Variants in PCGF6 observed in about 807,000 individuals in gnomAD.
PCGF6 encodes the protein polycomb group ring finger 6.
PCGF6 carries 24 observed loss-of-function variants against 45.5 expected under a neutral mutation model. That is an observed-to-expected ratio of 0.53 (90% CI 0.38 to 0.74). PCGF6 has a LOEUF of 0.74. Among genes scored for constraint, PCGF6 ranks in the 30% least tolerant of loss-of-function variants. The probability of loss-of-function intolerance (pLI) is 0.00; values close to 1 mark genes in which losing one functional copy is unlikely to be tolerated. For synonymous variants in PCGF6, 152 were observed against 162.1 expected (o/e 0.94, Z 0.47); for missense variants, 356 against 443.2 (o/e 0.80, Z 1.77).
intron 6 of PCGF6, among the ~76,000 whole-genome samples, chr10:103,338,931 G>C (rs1185454379): frequency 1.3e-5 from 2 of 152,068 alleles, no homozygotes; most frequent in Non-Finnish European, 1.5e-5. Flanking sequence ...TCCAGTAACA[G>C]AGAAATTAGT....
chr10:103,330,223 G>A (rs2093235133), intron 7 of PCGF6, among the ~76,000 whole-genome samples: 1 of 151,908 alleles, frequency 6.6e-6, no homozygotes. Flanking sequence ...TTACAGGCAT[G>A]CATCACCATA....
chr10:103,322,553 G>A (rs1003546826), intron 8 of PCGF6, among the ~76,000 whole-genome samples: 1 of 151,910 alleles, frequency 6.6e-6, no homozygotes, highest in African/African-American at 2.4e-5. Flanking sequence ...GGGCACAGTG[G>A]CTCATGCCTG....
chr10:103,349,954 C>A (rs902632498), intron 1 of PCGF6, among the ~76,000 whole-genome samples: 5 of 151,246 alleles, frequency 3.3e-5, no homozygotes, highest in African/African-American at 1.2e-4. Context: ...TGGTGGCGGG[C>A]GCCTTGTAGT....
intron 1 of PCGF6, among the ~76,000 whole-genome samples, chr10:103,350,075 T>G (rs1313870259): frequency 2.2e-5 from 3 of 137,144 alleles, no homozygotes; most frequent in African/African-American, 8.1e-5. Flanking sequence ...AGAGCGAGAC[T>G]CCGTCTCAAA....
intron 8 of PCGF6, among the ~76,000 whole-genome samples, chr10:103,316,013 TAGAGAGAGAGAG>T (rs5787488): frequency 4.2e-5 from 5 of 119,528 alleles, no homozygotes; most frequent in South Asian, 2.7e-4. Context: ...TATATATATA[TAGAGAGAGAGAG>T]AGAGAGAGAG....
intron 3 of PCGF6, chr10:103,348,515 G>C (rs190338298): frequency 7.6e-6 from 3 of 393,530 alleles, no homozygotes; most frequent in African/African-American, 6.3e-5. Context: ...AGTGGAGATG[G>C]GGTTTCACCA....
At chr10:103,309,202 G>A (rs1259102143) in intron 9 of PCGF6, among the ~76,000 whole-genome samples, 1 of 151,880 alleles carries the variant, frequency 6.6e-6, no homozygotes, top group Admixed American at 6.6e-5. Context: ...TTGGTGGGGG[G>A]GGGGCATGAT....
At chr10:103,350,579 G>A (rs979209017) in intron 1 of PCGF6, 128 bp downstream of exon 1, 3 of 947,894 alleles carry the variant, frequency 3.2e-6, no homozygotes, top group Non-Finnish European at 1.4e-6. Flanking sequence ...CAGAGGTCGG[G>A]GGAGGTCCGC....
At chr10:103,310,483 A>T (rs2093153310) in intron 9 of PCGF6, among the ~76,000 whole-genome samples, 1 of 152,070 alleles carries the variant, frequency 6.6e-6, no homozygotes, top group South Asian at 2.1e-4. Context: ...ATTAAAATAT[A>T]TCATATGTAC....
chr10:103,310,962 A>G (rs1399752943), intron 9 of PCGF6, among the ~76,000 whole-genome samples: 3 of 152,068 alleles, frequency 2.0e-5, no homozygotes, highest in Non-Finnish European at 2.9e-5. Context: ...CAGCCTCCCC[A>G]GGTAACTGGG....
chr10:103,320,798 T>C (rs2093194480), intron 8 of PCGF6, among the ~76,000 whole-genome samples: 1 of 152,196 alleles, frequency 6.6e-6, no homozygotes, highest in South Asian at 2.1e-4. Context: ...GAATTACTCG[T>C]TCCTGTTAGT....
At chr10:103,317,595 T>A (rs1359827428) in intron 8 of PCGF6, among the ~76,000 whole-genome samples, 1 of 151,862 alleles carries the variant, frequency 6.6e-6, no homozygotes, top group African/African-American at 2.4e-5. Context: ...GATATGATCG[T>A]ACCGCTCCAC....
chr10:103,323,587 G>A (rs867225583), intron 8 of PCGF6, among the ~76,000 whole-genome samples: 1 of 141,082 alleles, frequency 7.1e-6, no homozygotes, highest in African/African-American at 2.7e-5. Context: ...GAGCCACCGC[G>A]TCCGGCCCCT....
chr10:103,326,706 T>C (rs1414822241), intron 7 of PCGF6, 74 bp from the exon 8 acceptor site: 4 of 1,049,488 alleles, frequency 3.8e-6, no homozygotes, highest in Non-Finnish European at 5.4e-6. Flanking sequence ...TGTATATATA[T>C]GTAATGTGTA....
chr10:103,328,737 G>GATTTTA (rs1445060200), intron 7 of PCGF6, among the ~76,000 whole-genome samples: 3 of 152,044 alleles, frequency 2.0e-5, no homozygotes, highest in Non-Finnish European at 4.4e-5. Context: ...TTATGTACAG[G>GATTTTA]ATTTTAACTT....
intron 7 of PCGF6, among the ~76,000 whole-genome samples, chr10:103,332,445 T>A (rs2093243539): frequency 6.6e-6 from 1 of 152,124 alleles, no homozygotes; most frequent in Admixed American, 6.5e-5. Flanking sequence ...AGAGCTAACA[T>A]TTTTATTTTT....
At chr10:103,310,170 T>A (rs1023761828) in intron 9 of PCGF6, among the ~76,000 whole-genome samples, 2 of 151,650 alleles carry the variant, frequency 1.3e-5, no homozygotes, top group Non-Finnish European at 1.5e-5. Flanking sequence ...CAGGCTGGTC[T>A]TGAACTCCTG....
intron 9 of PCGF6, among the ~76,000 whole-genome samples, chr10:103,311,043 C>T (rs1254556539): frequency 6.6e-6 from 1 of 152,154 alleles, no homozygotes; most frequent in Non-Finnish European, 1.5e-5. Context: ...CTATACTGCC[C>T]AGGCAAGTCT....
At chr10:103,315,246 C>T (rs1211027281) in intron 8 of PCGF6, among the ~76,000 whole-genome samples, 5 of 152,110 alleles carry the variant, frequency 3.3e-5, no homozygotes, top group South Asian at 4.1e-4. Context: ...AGTGCAGTGG[C>T]CCAATCATAG....
Sources: gnomAD v4.1 joint callset for allele counts (sites outside exome capture counted in the v4.1 genomes callset) on GRCh38, gnomAD v4.1.1 for gene constraint, MANE v1.5 for transcripts, NCBI Gene and HGNC (gene_info 2026-07-23, HGNC 2026-07-21) for gene names.